The following RAP1GDS1 variants were observed in gnomAD, a reference collection of about 807,000 sequenced individuals.
The protein encoded by RAP1GDS1 is Rap1 GTPase-GDP dissociation stimulator 1, also known as RAP1, GTP-GDP dissociation stimulator 1.
In RAP1GDS1, 35 loss-of-function variants were observed where a neutral mutation model predicts 71.1. The observed-to-expected ratio is 0.49, with a 90% CI of 0.38 to 0.65. The LOEUF (loss-of-function observed/expected upper bound fraction) is 0.65. Ranked by LOEUF, RAP1GDS1 falls within the 30% of genes least tolerant of loss-of-function variation. The pLI is 0.00. For missense variants in RAP1GDS1, 663 were observed against 706.1 expected (o/e 0.94, Z 0.69); for synonymous variants, 229 against 243.1 (o/e 0.94, Z 0.54).
intron 2 of RAP1GDS1, among the ~76,000 whole-genome samples, chr4:98,307,748 AAATGAATTTTT>A (rs931382003): frequency 1.3e-5 from 2 of 152,178 alleles, no homozygotes; most frequent in Non-Finnish European, 2.9e-5. Context: ...TTCTTCATTA[AAATGAATTTTT>A]AGCTAATTCT....
rs397994660 is a variant in RAP1GDS1, at chr4:98,443,015, A to ATTTTTTTTTTTTTTTTTTTTTTTT, written c.*921_*922insTTTTTTTTTTTTTTTTTTTTTTTT. On this transcript the variant is annotated 3_prime_UTR_variant, in exon 15 of 15. Coordinates refer to ENST00000408927, the MANE Select transcript of RAP1GDS1 (RefSeq NM_001100427.2). ...TGAGTATAGTTCATTGAAGAATGGA[A>ATTTTTTTTTTTTTTTTTTTTTTTT]TTTTTTTTTTTTTTTTTTTTTTTGC... is the stretch of plus-strand genomic sequence containing the variant. 59 of 138,216 alleles carry ATTTTTTTTTTTTTTTTTTTTTTTT rather than the reference A, an allele frequency of 4.3e-4. No homozygotes were observed. The highest frequency in any genetic ancestry group is 2.5e-3 in the Middle Eastern group (1 of 402). The allele number at this position is 138,216 out of a possible 1,614,324, so 8.6% of individuals were successfully genotyped here. A position where few individuals can be genotyped will look rare whatever the true frequency, so the allele number is the denominator to read the frequency against.
At chr4:98,406,105 G>T (rs1746076078) in intron 7 of RAP1GDS1, among the ~76,000 whole-genome samples, 1 of 151,886 alleles carries the variant, frequency 6.6e-6, no homozygotes. Flanking sequence ...TTATGGAAAG[G>T]TTTTTTAATA....
intron 2 of RAP1GDS1, among the ~76,000 whole-genome samples, chr4:98,316,276 G>A (rs1730929125): frequency 6.6e-6 from 1 of 152,082 alleles, no homozygotes; most frequent in African/African-American, 2.4e-5. Flanking sequence ...AGGAGGAGTT[G>A]AAAGAATAGA....
intron 4 of RAP1GDS1, among the ~76,000 whole-genome samples, chr4:98,377,348 A>G (rs889219421): frequency 2.6e-5 from 4 of 151,926 alleles, no homozygotes; most frequent in Non-Finnish European, 1.5e-5. Context: ...CCAGTAATTT[A>G]GATAATTTAC....
intron 2 of RAP1GDS1, among the ~76,000 whole-genome samples, chr4:98,322,428 C>A (rs1732095808): frequency 1.7e-5 from 2 of 120,742 alleles, no homozygotes; most frequent in Middle Eastern, 3.8e-3. Context: ...ACCTAATAGA[C>A]ATCTACAGAA....
chr4:98,379,169 C>G lies in RAP1GDS1; in HGVS notation c.508+6C>G, dbSNP rs769840395. ...GAACTATAGCAATGAGAATGGTAAACAAAACTGAAAACTTGCTTTATCTCT... is the reference window on the plus strand; with the variant it reads ...GAACTATAGCAATGAGAATGGTAAAGAAAACTGAAAACTTGCTTTATCTCT... On this transcript the variant is annotated splice_donor_region_variant and intron_variant, in intron 5 of 14. Coordinates refer to ENST00000408927, the MANE Select transcript of RAP1GDS1 (RefSeq NM_001100427.2). 1.3e-5 allele frequency: 20 copies of G among 1,563,258 alleles called. No individual in the cohort carries two copies. Among genetic ancestry groups the G allele is most frequent in the Non-Finnish European group, 1.7e-5 (20 of 1,159,260 alleles).
At chr4:98,293,854 G>A (rs1727320315) in intron 2 of RAP1GDS1, among the ~76,000 whole-genome samples, 1 of 152,186 alleles carries the variant, frequency 6.6e-6, no homozygotes, top group Admixed American at 6.6e-5. Flanking sequence ...TTTAAAAATA[G>A]ATTGTTTTAT....
chr4:98,430,839 T>C (rs1464258857), intron 12 of RAP1GDS1, among the ~76,000 whole-genome samples: 1 of 152,240 alleles, frequency 6.6e-6, no homozygotes, highest in East Asian at 1.9e-4. Context: ...AGATCATACC[T>C]CACCCTGAAT....
rs543199019 is a variant in RAP1GDS1 at position 98,443,015 on chromosome 4, A to ATTTTTTTTTCTTTTTTTT, written c.*907_*908insCTTTTTTTTTTTTTTTTT. The stretch of plus-strand genomic sequence containing the variant: ...TGAGTATAGTTCATTGAAGAATGGA[A>ATTTTTTTTTCTTTTTTTT]TTTTTTTTTTTTTTTTTTTTTTTGC... On this transcript the variant is annotated 3_prime_UTR_variant, in exon 15 of 15. Coordinates refer to ENST00000408927, the MANE Select transcript of RAP1GDS1 (RefSeq NM_001100427.2). 2.0e-3 allele frequency: 273 copies of ATTTTTTTTTCTTTTTTTT among 138,256 alleles called. 3 individuals are homozygous for ATTTTTTTTTCTTTTTTTT. The highest frequency in any genetic ancestry group is 9.9e-3 in the Middle Eastern group (4 of 404). 8.6% of individuals were successfully genotyped at this position (138,256 alleles called of 1,614,324 possible). A position where few individuals can be genotyped will look rare whatever the true frequency, so the allele number is the denominator to read the frequency against.
rs1752141701 is a variant in RAP1GDS1, at chr4:98,443,741, T to G, written c.*1624T>G. 1.0e-5 allele frequency: 2 copies of G among 192,706 alleles called. No homozygotes were observed. The highest frequency in any genetic ancestry group is 2.2e-5 in the Non-Finnish European group (2 of 92,230). The allele number at this position is 192,706 out of a possible 1,614,324, so 11.9% of individuals were successfully genotyped here. On this transcript the variant is annotated 3_prime_UTR_variant, in exon 15 of 15. Coordinates refer to ENST00000408927, the MANE Select transcript of RAP1GDS1 (RefSeq NM_001100427.2). ...TACACTTACTATAAGAATGATACTG[T>G]TTGTTGTCTTTCTCCTGGGCTGGAT...
chr4:98,342,121 A>C lies in RAP1GDS1; in HGVS notation c.113-1018A>C, dbSNP rs181329166. 1.1e-4 allele frequency among the ~76,000 whole-genome samples: 16 copies of C among 152,270 alleles called. No individual in the cohort carries two copies. The East Asian group carries it at 2.5e-3, about 24-fold the overall frequency. ...ACAGTTTGAAAAACTGTATTAAACA[A>C]TCAGCACTTATTATAAAGAAATATG... On this transcript the variant is annotated intron_variant, in intron 2 of 14. Transcript: ENST00000408927.
At chr4:98,386,556 C>T (rs1578684018) in intron 5 of RAP1GDS1, among the ~76,000 whole-genome samples, 1 of 146,936 alleles carries the variant, frequency 6.8e-6, no homozygotes, top group Non-Finnish European at 1.5e-5. Context: ...CCAATATTGT[C>T]AATATTAATG....
In RAP1GDS1 at chr4:98,421,290, T is replaced by C. The variant is rs373261783; in HGVS notation, c.1336T>C (p.Leu446=). The C allele has an allele frequency of 2.7e-5, 44 of 1,611,120 alleles. No individual in the cohort carries two copies. The highest frequency in any genetic ancestry group is 3.7e-5 in the Non-Finnish European group (44 of 1,178,372). ...TGAACAATTGGGAAAGAATGTTAAG[T>C]TAGTGGAGCGTTTGGTGGAATGGTG... ...AAEQLGKNVK[L]VERLVEWCEA... is the part of the protein sequence containing the mutation. The change falls in exon 12 of 15, where the codon TTA becomes CTA. Residue 446 remains leucine (L), a synonymous_variant. Transcript: ENST00000408927.
intron 6 of RAP1GDS1, among the ~76,000 whole-genome samples, chr4:98,398,385 A>T (rs1184204538): frequency 6.6e-6 from 1 of 152,204 alleles, no homozygotes. Context: ...TAAATGTCCT[A>T]AGGAATGAAA....
intron 1 of RAP1GDS1, among the ~76,000 whole-genome samples, chr4:98,277,197 T>C (rs1724344107): frequency 6.6e-6 from 1 of 152,212 alleles, no homozygotes; most frequent in African/African-American, 2.4e-5. Flanking sequence ...GGAAAACTGT[T>C]GTCCCTTTCG....
intron 4 of RAP1GDS1, among the ~76,000 whole-genome samples, chr4:98,353,510 T>A (rs1737513479): frequency 6.6e-6 from 1 of 152,140 alleles, no homozygotes; most frequent in Non-Finnish European, 1.5e-5. Context: ...AGGACATAAA[T>A]ATATTCATTT....
chr4:98,303,602 A>G (rs1379737901), intron 2 of RAP1GDS1, among the ~76,000 whole-genome samples: 2 of 144,020 alleles, frequency 1.4e-5, no homozygotes, highest in African/African-American at 5.1e-5. Context: ...AATGCAGGTT[A>G]GAAGAAAATA....
chr4:98,265,542 G>A (rs577812462), intron 1 of RAP1GDS1, among the ~76,000 whole-genome samples: 162 of 152,180 alleles, frequency 1.1e-3, no homozygotes, highest in Middle Eastern at 6.8e-3. Flanking sequence ...TTTAACTTTC[G>A]AGAGTACAAT....
intron 10 of RAP1GDS1, 30 bp from the exon 11 acceptor site, chr4:98,419,989 A>G (rs375321907): frequency 7.4e-5 from 115 of 1,560,608 alleles, no homozygotes; most frequent in Non-Finnish European, 8.7e-5. Context: ...TGCTAATACC[A>G]TTTTAACCAT....
Sources: gnomAD v4.1 joint callset for allele counts (sites outside exome capture counted in the v4.1 genomes callset) on GRCh38, gnomAD v4.1.1 for gene constraint, MANE v1.5 for transcripts, NCBI Gene and HGNC (gene_info 2026-07-23, HGNC 2026-07-21) for gene names.